Variants in PPP1R1C observed in about 807,000 individuals in gnomAD.
The protein encoded by PPP1R1C is protein phosphatase 1 regulatory subunit 1C.
In PPP1R1C, 15 loss-of-function variants were observed where a neutral mutation model predicts 17.4. The observed-to-expected ratio is 0.86, with a 90% CI of 0.58 to 1.33. The LOEUF (loss-of-function observed/expected upper bound fraction) is 1.33. Ranked by LOEUF, PPP1R1C falls within the 40% of genes most tolerant of loss-of-function variation. The pLI, the probability that PPP1R1C is intolerant of heterozygous loss-of-function variation, is 0.00. For missense variants in PPP1R1C, 143 were observed against 130.0 expected (o/e 1.10, Z -0.48); for synonymous variants, 35 against 43.1 (o/e 0.81, Z 0.73).
chr2:182,037,199 AC>A (rs1421105254), intron 2 of PPP1R1C, among the ~76,000 whole-genome samples: 1 of 152,200 alleles, frequency 6.6e-6, no homozygotes, highest in Non-Finnish European at 1.5e-5. Flanking sequence ...GAGGTTGTTG[AC>A]TCATATTTCT....
intron 5 of PPP1R1C, among the ~76,000 whole-genome samples, chr2:182,123,637 C>A (rs139958302): frequency 6.6e-6 from 1 of 152,076 alleles, no homozygotes; most frequent in African/African-American, 2.4e-5. Flanking sequence ...GTTTGTTGAC[C>A]GCATAAATGT....
chr2:181,964,415 C>T (rs541591082), intron 1 of PPP1R1C, among the ~76,000 whole-genome samples: 3 of 152,270 alleles, frequency 2.0e-5, no homozygotes, highest in African/African-American at 7.2e-5. Context: ...ATGAATAGTG[C>T]TACAATAAAC....
At chr2:181,978,962 C>T (rs111488385) in intron 2 of PPP1R1C, among the ~76,000 whole-genome samples, 43 of 152,224 alleles carry the variant, frequency 2.8e-4, no homozygotes, top group African/African-American at 9.6e-4. Flanking sequence ...GCATTCTAAT[C>T]CCTGGCTATT....
chr2:182,079,181 G>T (rs894957306), intron 4 of PPP1R1C, among the ~76,000 whole-genome samples: 1 of 152,210 alleles, frequency 6.6e-6, no homozygotes, highest in African/African-American at 2.4e-5. Flanking sequence ...ATAATGAGTT[G>T]TAGAGGTTGT....
At chr2:182,044,629 G>A (rs567690548) in intron 2 of PPP1R1C, among the ~76,000 whole-genome samples, 6 of 152,198 alleles carry the variant, frequency 3.9e-5, no homozygotes, top group South Asian at 4.1e-4. Context: ...TCGGTGCTTC[G>A]TCTGTTGCAG....
chr2:182,064,688 T>G (rs2125199312), intron 4 of PPP1R1C, among the ~76,000 whole-genome samples: 1 of 152,214 alleles, frequency 6.6e-6, no homozygotes, highest in African/African-American at 2.4e-5. Flanking sequence ...TCCTTCCTCA[T>G]GCAGCTATAA....
At chr2:182,089,206 A>C (rs972644661) in intron 4 of PPP1R1C, among the ~76,000 whole-genome samples, 1 of 152,222 alleles carries the variant, frequency 6.6e-6, no homozygotes, top group African/African-American at 2.4e-5. Context: ...TGTTTGGATC[A>C]TCTGAACCCG....
chr2:182,106,350 G>A (rs1055571830), intron 4 of PPP1R1C, among the ~76,000 whole-genome samples: 1 of 152,170 alleles, frequency 6.6e-6, no homozygotes, highest in South Asian at 2.1e-4. Flanking sequence ...GCATACAAAC[G>A]AGCAGCTAGA....
intron 1 of PPP1R1C, among the ~76,000 whole-genome samples, chr2:181,955,185 A>G (rs547708493): frequency 6.6e-6 from 1 of 152,382 alleles, no homozygotes; most frequent in African/African-American, 2.4e-5. Flanking sequence ...CTTCTGAGTC[A>G]CAACAAATAC....
chr2:182,116,040 G>A (rs1257713773), intron 4 of PPP1R1C, among the ~76,000 whole-genome samples: 3 of 151,976 alleles, frequency 2.0e-5, no homozygotes. Context: ...TAGACTCGAG[G>A]GAAATGAAAG....
At chr2:182,021,318 T>TCG (rs1686417350) in intron 2 of PPP1R1C, among the ~76,000 whole-genome samples, 1 of 55,486 alleles carries the variant, frequency 1.8e-5, no homozygotes, top group Non-Finnish European at 4.2e-5. Context: ...TTTCTCTCTC[T>TCG]CTCTTTTTTT....
intron 4 of PPP1R1C, among the ~76,000 whole-genome samples, chr2:182,073,550 T>C (rs1278028670): frequency 6.6e-6 from 1 of 152,186 alleles, no homozygotes; most frequent in African/African-American, 2.4e-5. Context: ...ATGAAAAATG[T>C]TGTCAAATGA....
At chr2:181,988,013 C>T in intron 2 of PPP1R1C, 114 bp downstream of exon 2, 1 of 737,674 alleles carries the variant, frequency 1.4e-6, no homozygotes, top group Non-Finnish European at 2.2e-6. Flanking sequence ...GTTAGCAATA[C>T]TCTAGAAAGC....
rs749360246 is a variant in PPP1R1C at position 182,063,795 on chromosome 2, C to T, written c.241+4C>T. On this transcript the variant is annotated splice_donor_region_variant and intron_variant, in intron 4 of 4. Coordinates refer to ENST00000682840, the MANE Select transcript of PPP1R1C (RefSeq NM_001080545.3). Reference sequence around the variant, plus strand: ...TACACACCACCCACCATAAAAGGTACTGTTCAGGTACTGTTTCGGGTTGTC... The same window carrying T: ...TACACACCACCCACCATAAAAGGTATTGTTCAGGTACTGTTTCGGGTTGTC... The T allele has an allele frequency of 6.2e-7, 1 of 1,611,522 alleles. No individual in the cohort carries two copies. The highest frequency in any genetic ancestry group is 8.5e-7 in the Non-Finnish European group (1 of 1,177,914).
At chr2:181,983,702 G>A (rs1685236339), upstream of PPP1R1C, among the ~76,000 whole-genome samples, 1 of 152,136 alleles carries the variant, frequency 6.6e-6, no homozygotes, top group Admixed American at 6.5e-5. Flanking sequence ...TATTTGCTAT[G>A]TGAATAAATA....
chr2:182,018,370 T>C (rs868781604), intron 2 of PPP1R1C, among the ~76,000 whole-genome samples: 8 of 152,204 alleles, frequency 5.3e-5, no homozygotes, highest in Admixed American at 6.5e-5. Context: ...CATTATTTAA[T>C]AATGATGTCA....
Position 182,063,717 on chromosome 2 carries a change from C to A in PPP1R1C, c.181-14C>A, listed in dbSNP as rs1490441989. On this transcript the variant is annotated splice_polypyrimidine_tract_variant and intron_variant, in intron 3 of 4. Coordinates refer to ENST00000682840, the MANE Select transcript of PPP1R1C (RefSeq NM_001080545.3). ...CCAAATCTAAGGCTTTTACTTTTTTCTCTTTCTCCACAGTTACAGAATGCA... is the reference window on the plus strand; with the variant it reads ...CCAAATCTAAGGCTTTTACTTTTTTATCTTTCTCCACAGTTACAGAATGCA... The A allele has an allele frequency of 6.2e-7, 1 of 1,609,724 alleles. No individual in the cohort carries two copies. Among genetic ancestry groups the A allele is most frequent in the Non-Finnish European group, 8.5e-7 (1 of 1,176,498 alleles).
At chr2:181,963,330 C>T (rs1002161183) in intron 1 of PPP1R1C, among the ~76,000 whole-genome samples, 1 of 152,042 alleles carries the variant, frequency 6.6e-6, no homozygotes, top group African/African-American at 2.4e-5. Context: ...TTTCAGAATA[C>T]CAAGGATAAA....
intron 4 of PPP1R1C, among the ~76,000 whole-genome samples, chr2:182,109,029 T>A (rs1036405429): frequency 2.6e-5 from 4 of 152,228 alleles, no homozygotes; most frequent in African/African-American, 9.6e-5. Context: ...GTTGTCAGTG[T>A]TTTGGATTTC....
Sources: allele counts gnomAD v4.1 joint callset (sites outside exome capture counted in the v4.1 genomes callset), GRCh38; gene constraint gnomAD v4.1.1; transcripts MANE v1.5; gene names NCBI Gene and HGNC (gene_info 2026-07-23, HGNC 2026-07-21).